The following RORB variants were observed in gnomAD, a reference collection of about 807,000 sequenced individuals.
RORB encodes RAR related orphan receptor B, also known as nuclear receptor ROR-beta.
RORB carries 6 observed loss-of-function variants against 59.1 expected under a neutral mutation model. The ratio of observed to expected loss-of-function variants is 0.10; its 90% CI spans 0.06 to 0.20. The LOEUF is 0.20. Ranked by LOEUF, RORB falls within the 10% of genes least tolerant of loss-of-function variation. The pLI is 1.00. For missense variants in RORB, 320 were observed against 560.5 expected (o/e 0.57, Z 4.33); for synonymous variants, 215 against 204.5 (o/e 1.05, Z -0.44).
chr9:74,519,396 A>G (rs1450698377), intron 1 of RORB, among the ~76,000 whole-genome samples: 1 of 152,126 alleles, frequency 6.6e-6, no homozygotes, highest in African/African-American at 2.4e-5. Context: ...TCTCCTGAGT[A>G]CATTTACTTC....
intron 1 of RORB, among the ~76,000 whole-genome samples, chr9:74,534,974 T>C (rs1587347376): frequency 6.6e-6 from 1 of 152,052 alleles, no homozygotes; most frequent in East Asian, 1.9e-4. Context: ...TTTCTGCTTA[T>C]GCACAGTGAC....
In RORB at chr9:74,584,492, T is replaced by C. The variant is rs1220516811; in HGVS notation, c.8-45790T>C. ...ATGTTCAGCTTATAGTCAGTACTCA[T>C]TTAAATGTTAGTTTCTTATTATTTC... On this transcript the variant is annotated intron_variant, in intron 1 of 9. Transcript: ENST00000376896. Among the ~76,000 whole-genome samples, 80 of 152,218 alleles carry C rather than the reference T, an allele frequency of 5.3e-4. 1 individual carries two copies.
At chr9:74,663,880 C>G (rs560372742) in intron 6 of RORB, among the ~76,000 whole-genome samples, 1 of 152,262 alleles carries the variant, frequency 6.6e-6, no homozygotes, top group East Asian at 1.9e-4. Context: ...GTTCCAAAAG[C>G]TAGCACCCCA....
At chr9:74,619,275 A>G (rs1162635271) in intron 1 of RORB, among the ~76,000 whole-genome samples, 1 of 152,076 alleles carries the variant, frequency 6.6e-6, no homozygotes, top group Non-Finnish European at 1.5e-5. Context: ...AAACCTTCCC[A>G]GCTTCCCCCA....
chr9:74,581,704 T>G (rs1019708809), intron 1 of RORB, among the ~76,000 whole-genome samples: 2 of 152,192 alleles, frequency 1.3e-5, no homozygotes, highest in Non-Finnish European at 2.9e-5. Flanking sequence ...TCAGAGGTTC[T>G]GGTCTGCAAT....
intron 1 of RORB, among the ~76,000 whole-genome samples, chr9:74,566,125 CCT>C (rs1472011174): frequency 1.3e-5 from 2 of 152,102 alleles, no homozygotes; most frequent in East Asian, 3.9e-4. Flanking sequence ...TTTACCAACC[CCT>C]GTCACCTCAA....
intron 1 of RORB, among the ~76,000 whole-genome samples, chr9:74,565,514 G>A (rs1309950245): frequency 2.0e-5 from 3 of 152,088 alleles, no homozygotes; most frequent in Non-Finnish European, 4.4e-5. Flanking sequence ...TAAGCATTCT[G>A]TACCTTAGAG....
intron 1 of RORB, among the ~76,000 whole-genome samples, chr9:74,507,936 G>A (rs1003156402): frequency 8.6e-5 from 13 of 151,878 alleles, no homozygotes; most frequent in African/African-American, 2.4e-4. Context: ...ACATCATATC[G>A]TTAAGGTACA....
chr9:74,620,825 G>A (rs1312380197), intron 1 of RORB, among the ~76,000 whole-genome samples: 1 of 152,138 alleles, frequency 6.6e-6, no homozygotes, highest in Non-Finnish European at 1.5e-5. Flanking sequence ...TTCAGGAGCA[G>A]GTTGTTCAGT....
Position 74,688,259 on chromosome 9 carries a change from A to G in RORB, c.*2641A>G, listed in dbSNP as rs1393229139. ...ATGGCAACCAGGACATACTCATCCC[A>G]CTTAGTTGAGAGAAGAGATTTCTAG... On this transcript the variant is annotated 3_prime_UTR_variant, in exon 10 of 10. Coordinates refer to ENST00000376896, the MANE Select transcript of RORB (RefSeq NM_006914.4). 6.6e-6 allele frequency: 1 copy of G among 152,156 alleles called. No individual in the cohort carries two copies. Among genetic ancestry groups the G allele is most frequent in the African/African-American group, 2.4e-5 (1 of 41,432 alleles). 9.4% of individuals were successfully genotyped at this position (152,156 alleles called of 1,614,324 possible).
chr9:74,560,318 T>C (rs1317063109), intron 1 of RORB, among the ~76,000 whole-genome samples: 2 of 152,182 alleles, frequency 1.3e-5, no homozygotes, highest in East Asian at 3.9e-4. Context: ...ATGAAAGTAC[T>C]CAGAATTCGA....
chr9:74,637,079 A>C (rs1162856249), intron 3 of RORB, among the ~76,000 whole-genome samples: 1 of 152,172 alleles, frequency 6.6e-6, no homozygotes, highest in Non-Finnish European at 1.5e-5. Context: ...AGTCAGAAGA[A>C]TCCCTACCTT....
At chr9:74,504,834 T>C (rs1358356744) in intron 1 of RORB, among the ~76,000 whole-genome samples, 1 of 152,214 alleles carries the variant, frequency 6.6e-6, no homozygotes, top group East Asian at 1.9e-4. Context: ...TACCTTATAG[T>C]AAAGCTTTTT....
At chr9:74,605,462 C>A (rs1047868340) in intron 1 of RORB, among the ~76,000 whole-genome samples, 1 of 152,236 alleles carries the variant, frequency 6.6e-6, no homozygotes, top group Non-Finnish European at 1.5e-5. Context: ...ACAGTATAGG[C>A]GGTGTGTCCA....
intron 1 of RORB, chr9:74,615,756 C>A: frequency 1.1e-5 from 3 of 283,616 alleles, no homozygotes; most frequent in African/African-American, 2.2e-5. Context: ...GGTGTGGGGA[C>A]AAAAAAATAT....
At chr9:74,596,553 C>T (rs1036781043) in intron 1 of RORB, among the ~76,000 whole-genome samples, 2 of 152,134 alleles carry the variant, frequency 1.3e-5, no homozygotes, top group African/African-American at 4.8e-5. Context: ...TTTGGTTACC[C>T]TAATCCTGCA....
chr9:74,688,106 T>G lies in RORB; in HGVS notation c.*2488T>G, dbSNP rs180871262. 7.2e-5 allele frequency: 11 copies of G among 152,312 alleles called. No homozygotes were observed. The East Asian group carries it at 2.1e-3, about 29-fold the overall frequency. 9.4% of individuals were successfully genotyped at this position (152,312 alleles called of 1,614,324 possible). A position where few individuals can be genotyped will look rare whatever the true frequency, so the allele number is the denominator to read the frequency against. On this transcript the variant is annotated 3_prime_UTR_variant, in exon 10 of 10. Coordinates refer to ENST00000376896, the MANE Select transcript of RORB (RefSeq NM_006914.4). ...ATAGGAAAAAGATTGTTCCCCACAT[T>G]TACCTTGGGAGGTACTGCTTTGAAT...
intron 1 of RORB, among the ~76,000 whole-genome samples, chr9:74,601,169 G>A (rs560399965): frequency 2.0e-5 from 3 of 152,040 alleles, no homozygotes; most frequent in African/African-American, 7.2e-5. Context: ...CTAGGAATAA[G>A]AGAAGTAAAC....
At chr9:74,567,780 T>G (rs1822491020) in intron 1 of RORB, among the ~76,000 whole-genome samples, 1 of 152,192 alleles carries the variant, frequency 6.6e-6, no homozygotes. Flanking sequence ...TCTGAAGTAT[T>G]CCTCTCTCTG....
Sources: allele counts gnomAD v4.1 joint callset (sites outside exome capture counted in the v4.1 genomes callset), GRCh38; gene constraint gnomAD v4.1.1; transcripts MANE v1.5; gene names NCBI Gene and HGNC (gene_info 2026-07-23, HGNC 2026-07-21).